Variants in KTN1 observed in about 807,000 individuals in gnomAD.
The protein encoded by KTN1 is kinectin.
A neutral mutation model predicts 222.5 loss-of-function variants in KTN1; 130 were observed. The ratio of observed to expected loss-of-function variants is 0.58; its 90% CI spans 0.51 to 0.68. The LOEUF (loss-of-function observed/expected upper bound fraction) is 0.68. Among genes scored for constraint, KTN1 ranks in the 30% least tolerant of loss-of-function variants. KTN1 has a pLI of 0.00. For missense variants in KTN1, 1,508 were observed against 1,500.4 expected, an observed-to-expected ratio of 1.01 and a Z score of -0.08; for synonymous variants, 512 against 496.3, an observed-to-expected ratio of 1.03 and a Z score of -0.42.
intron 30 of KTN1, 147 bp from the exon 31 acceptor site, chr14:55,659,519 A>C: frequency 1.6e-6 from 1 of 621,336 alleles, no homozygotes; most frequent in Non-Finnish European, 2.9e-6. Flanking sequence ...TATTAAAATC[A>C]CTTGATTAAA....
chr14:55,620,563 C>A (rs1472866254), intron 5 of KTN1, among the ~76,000 whole-genome samples: 1 of 152,204 alleles, frequency 6.6e-6, no homozygotes, highest in Non-Finnish European at 1.5e-5. Context: ...GACTTCTGTG[C>A]ACCCACAGGT....
intron 5 of KTN1, among the ~76,000 whole-genome samples, chr14:55,626,903 G>GA (rs2039908633): frequency 6.6e-6 from 1 of 151,188 alleles, no homozygotes; most frequent in South Asian, 2.1e-4. Flanking sequence ...CTTCTTCCAA[G>GA]AAAGTTCCTG....
At chr14:55,620,732 A>G (rs1375570744) in intron 5 of KTN1, among the ~76,000 whole-genome samples, 2 of 152,174 alleles carry the variant, frequency 1.3e-5, no homozygotes, top group South Asian at 2.1e-4. Flanking sequence ...GGCCCTGCTC[A>G]GGAAACCATT....
chr14:55,640,696 A>C (rs1418430874), intron 15 of KTN1, among the ~76,000 whole-genome samples: 1 of 151,934 alleles, frequency 6.6e-6, no homozygotes, highest in African/African-American at 2.4e-5. Context: ...CTTTTATTTG[A>C]GCCATTTAAT....
At chr14:55,636,171 G>T (rs777893844) in intron 9 of KTN1, among the ~76,000 whole-genome samples, 10 of 152,172 alleles carry the variant, frequency 6.6e-5, no homozygotes, top group Non-Finnish European at 1.0e-4. Context: ...GTATATAGTA[G>T]TAGCTATCTT....
intron 14 of KTN1, 123 bp from the exon 15 acceptor site, chr14:55,640,251 C>T: frequency 1.4e-6 from 1 of 723,438 alleles, no homozygotes; most frequent in Non-Finnish European, 2.3e-6. Flanking sequence ...GGTGGTTTCT[C>T]TTGATTATTT....
chr14:55,606,216 A>G (rs566858985), intron 1 of KTN1, among the ~76,000 whole-genome samples: 2 of 152,218 alleles, frequency 1.3e-5, no homozygotes, highest in African/African-American at 4.8e-5. Context: ...CTTATAGGCT[A>G]CTCTGGAAGC....
chr14:55,646,065 G>T (rs1293694281), intron 18 of KTN1, among the ~76,000 whole-genome samples: 1 of 152,102 alleles, frequency 6.6e-6, no homozygotes. Flanking sequence ...GAAGATAAGG[G>T]AATACTGAGG....
chr14:55,639,995 G>T lies in KTN1; in HGVS notation c.1906G>T (p.Glu636Ter). Residue 636 changes from glutamate (E) to a stop codon, truncating the protein, a stop_gained, in exon 14 of 44, where the codon GAA (glutamate) becomes TAA (stop). Transcript: ENST00000395314. LOFTEE classifies it high-confidence loss of function. ...TGATCGTTTAACAAGTAAAGAAGAGGAACTTAAGGTATAGTAATTTGTATA... is the reference window on the plus strand; with the variant it reads ...TGATCGTTTAACAAGTAAAGAAGAGTAACTTAAGGTATAGTAATTTGTATA... The part of the protein sequence containing the change: ...ERDRLTSKEE[E>*]LKDIQNMNFL... 6.3e-7 allele frequency: 1 copy of T among 1,583,354 alleles called. No individual in the cohort carries two copies. Among genetic ancestry groups the T allele is most frequent in the South Asian group, 1.1e-5 (1 of 90,114 alleles).
intron 12 of KTN1, among the ~76,000 whole-genome samples, chr14:55,638,844 T>C (rs539061357): frequency 1.5e-3 from 227 of 151,990 alleles, no homozygotes; most frequent in Non-Finnish European, 2.9e-3. Context: ...ATTTTATTAT[T>C]AAAAGTTGTT....
chr14:55,641,116 C>A lies in KTN1; in HGVS notation c.2022-11C>A. The A allele has an allele frequency of 6.5e-7, 1 of 1,532,642 alleles. No individual in the cohort carries two copies. Among genetic ancestry groups the A allele is most frequent in the Non-Finnish European group, 8.9e-7 (1 of 1,127,090 alleles). 94.9% of individuals were successfully genotyped at this position (1,532,642 alleles called of 1,614,324 possible). A position where few individuals can be genotyped will look rare whatever the true frequency, so the allele number is the denominator to read the frequency against. ...TATGAAGTATTTTAATTTTTTTTTT[C>A]ACCCTCATAGTGTTTATGTTAAAGA... On this transcript the variant is annotated splice_polypyrimidine_tract_variant and intron_variant, in intron 16 of 43. Transcript: ENST00000395314.
At position 55,617,966 on chromosome 14, in the gene KTN1, T is replaced by C. The variant is rs375347305; in HGVS notation, c.664T>C (p.Phe222Leu). 3 of 1,573,142 alleles carry C rather than the reference T, an allele frequency of 1.9e-6. No individual in the cohort carries two copies. The highest frequency in any genetic ancestry group is 1.7e-6 in the Non-Finnish European group (2 of 1,162,996). ...ATTTTGTTGAACTTAAATTGCAGTC[T>C]TCGTAGATGAACCCCTTATTCATGC... ...SSKKQKTENV[F>L]VDEPLIHATT... The change falls in exon 4 of 44, where the codon TTC becomes CTC. Residue 222 changes from phenylalanine to leucine, a missense_variant and splice_region_variant. By Grantham distance (22) the Phe-to-Leu change is conservative. Transcript: ENST00000395314.
At chr14:55,619,577 T>C (rs950778175) in intron 5 of KTN1, among the ~76,000 whole-genome samples, 5 of 152,096 alleles carry the variant, frequency 3.3e-5, no homozygotes, top group African/African-American at 1.2e-4. Context: ...CTCACAATCA[T>C]AGTGGAAGGT....
intron 5 of KTN1, among the ~76,000 whole-genome samples, chr14:55,622,876 C>CT (rs1314992375): frequency 2.6e-5 from 4 of 152,228 alleles, no homozygotes; most frequent in Non-Finnish European, 5.9e-5. Context: ...CTTAACAGGT[C>CT]TATGTCCTGC....
At chr14:55,658,728 T>C in intron 30 of KTN1, 114 bp downstream of exon 30, 1 of 637,974 alleles carries the variant, frequency 1.6e-6, no homozygotes, top group Non-Finnish European at 2.8e-6. Flanking sequence ...AAGTATGTTT[T>C]ATTTATGTTT....
chr14:55,636,132 G>A (rs1012218370), intron 9 of KTN1, among the ~76,000 whole-genome samples: 1 of 152,206 alleles, frequency 6.6e-6, no homozygotes, highest in African/African-American at 2.4e-5. Flanking sequence ...AGGTTAGTGG[G>A]AAACAGGTTA....
intron 25 of KTN1, 125 bp from the exon 26 acceptor site, chr14:55,652,725 T>A (rs938316320): frequency 2.8e-5 from 18 of 635,368 alleles, no homozygotes; most frequent in Admixed American, 6.0e-5. Flanking sequence ...TTGATAAGTT[T>A]TAGTTTAGTT....
chr14:55,619,470 T>C (rs545890118), intron 5 of KTN1, among the ~76,000 whole-genome samples, 158 bp downstream of exon 5: 79 of 152,268 alleles, frequency 5.2e-4, no homozygotes, highest in African/African-American at 1.9e-3. Context: ...ATCGTATTAG[T>C]CTGTTTTCAT....
At chr14:55,647,421 G>A (rs1294905216) in intron 19 of KTN1, among the ~76,000 whole-genome samples, 1 of 151,402 alleles carries the variant, frequency 6.6e-6, no homozygotes, top group Non-Finnish European at 1.5e-5. Flanking sequence ...GATCACCTGA[G>A]GTCAGGGGTT....
Sources: allele counts gnomAD v4.1 joint callset (sites outside exome capture counted in the v4.1 genomes callset), GRCh38; gene constraint gnomAD v4.1.1; transcripts MANE v1.5; gene names NCBI Gene and HGNC (gene_info 2026-07-23, HGNC 2026-07-21).